Variants in SMAD4 observed in about 807,000 individuals in gnomAD.
SMAD4 encodes SMAD family member 4.
Under a neutral mutation model 63.2 loss-of-function variants are expected in SMAD4, and 7 were observed. That is an observed-to-expected ratio of 0.11 (90% confidence interval 0.06 to 0.21). The LOEUF (loss-of-function observed/expected upper bound fraction) is 0.21. Among genes scored for constraint, SMAD4 ranks in the 10% least tolerant of loss-of-function variants. The pLI, the probability that SMAD4 is intolerant of heterozygous loss-of-function variation, is 1.00. For missense variants in SMAD4, 312 were observed against 693.8 expected (o/e 0.45, Z 6.18); for synonymous variants, 215 against 235.4 (o/e 0.91, Z 0.79).
intron 5 of SMAD4, among the ~76,000 whole-genome samples, chr18:51,055,994 C>A (rs1909835666): frequency 6.6e-6 from 1 of 152,172 alleles, no homozygotes; most frequent in Admixed American, 6.5e-5. Context: ...ATTCATTACA[C>A]CACTTCAAAG....
At chr18:51,032,532 C>T (rs1296565934) in intron 1 of SMAD4, among the ~76,000 whole-genome samples, 1 of 152,208 alleles carries the variant, frequency 6.6e-6, no homozygotes, top group African/African-American at 2.4e-5. Flanking sequence ...CTCTGCTTCA[C>T]TTTCTTAAGC....
chr18:51,041,781 A>C (rs1443847413), intron 1 of SMAD4, among the ~76,000 whole-genome samples: 1 of 152,204 alleles, frequency 6.6e-6, no homozygotes, highest in Non-Finnish European at 1.5e-5. Flanking sequence ...CAGTGCCCCC[A>C]GTTGATCTGT....
At chr18:51,077,506 G>C (rs1910499820) in intron 11 of SMAD4, 1 of 329,080 alleles carries the variant, frequency 3.0e-6, no homozygotes, top group Admixed American at 6.4e-5. Context: ...TAGTTTCATT[G>C]TAATATTGAT....
chr18:51,054,588 T>C, intron 4 of SMAD4, 193 bp from the exon 5 acceptor site: 3 of 577,202 alleles, frequency 5.2e-6, no homozygotes, highest in Admixed American at 3.0e-5. Flanking sequence ...TATCTCATGC[T>C]GTTACCGCTG....
intron 10 of SMAD4, among the ~76,000 whole-genome samples, chr18:51,068,470 GT>G (rs1442064834): frequency 1.3e-5 from 2 of 151,976 alleles, no homozygotes; most frequent in African/African-American, 4.8e-5. Context: ...CATAATCGCG[GT>G]GCTATTTATT....
chr18:51,065,677 T>C (rs1312705122), intron 9 of SMAD4, 71 bp downstream of exon 9: 1 of 1,209,428 alleles, frequency 8.3e-7, no homozygotes, highest in Non-Finnish European at 1.2e-6. Flanking sequence ...TTCAAGGTTA[T>C]GTTTTCCCAT....
chr18:51,067,378 A>G (rs1392543010), intron 10 of SMAD4, among the ~76,000 whole-genome samples, 191 bp downstream of exon 10: 1 of 151,890 alleles, frequency 6.6e-6, no homozygotes, highest in African/African-American at 2.4e-5. Context: ...ATCGTTGCCA[A>G]TTTGTTACAT....
intron 1 of SMAD4, among the ~76,000 whole-genome samples, 175 bp from the exon 2 acceptor site, chr18:51,046,745 T>C (rs973083339): frequency 8.5e-5 from 13 of 152,140 alleles, no homozygotes; most frequent in Non-Finnish European, 8.8e-5. Context: ...AAAAATTATT[T>C]TTAATGGCTA....
intron 8 of SMAD4, among the ~76,000 whole-genome samples, chr18:51,064,295 C>T (rs1053813200): frequency 3.6e-4 from 55 of 152,184 alleles, no homozygotes; most frequent in African/African-American, 1.2e-3. Context: ...ATTCAGGTCC[C>T]ATCTTTTCAG....
intron 10 of SMAD4, among the ~76,000 whole-genome samples, chr18:51,070,088 A>G (rs1361656917): frequency 6.6e-6 from 1 of 152,228 alleles, no homozygotes; most frequent in Non-Finnish European, 1.5e-5. Flanking sequence ...CACTTAACCC[A>G]TCTTGACTCA....
chr18:51,082,590 A>G lies in SMAD4; in HGVS notation c.*4123A>G, dbSNP rs1599208807. 8.7e-6 allele frequency: 2 copies of G among 229,572 alleles called. No individual in the cohort carries two copies. Among genetic ancestry groups the G allele is most frequent in the East Asian group, 1.2e-4 (2 of 16,082 alleles). 14.2% of individuals were successfully genotyped at this position (229,572 alleles called of 1,614,324 possible). ...AGCCTTTTTTTGGTGGAGTTATTTA[A>G]TATGTATATCAGAGGATATACTAGA... On this transcript the variant is annotated 3_prime_UTR_variant, in exon 12 of 12. Coordinates refer to ENST00000342988, the MANE Select transcript of SMAD4 (RefSeq NM_005359.6).
At chr18:51,036,096 C>T (rs1393089722) in intron 1 of SMAD4, among the ~76,000 whole-genome samples, 1 of 152,038 alleles carries the variant, frequency 6.6e-6, no homozygotes, top group Non-Finnish European at 1.5e-5. Context: ...GCCTCAGCCT[C>T]CAGAGTAGCT....
Position 51,058,176 on chromosome 18 carries a change from T to G in SMAD4, c.719T>G (p.Ile240Arg), listed in dbSNP as rs2144427085. The change falls in exon 6 of 12, where the codon ATA (isoleucine) becomes AGA (arginine). Residue 240 changes from isoleucine to arginine, a missense_variant. Transcript: ENST00000342988. ...AGCCATAGTGAAGGACTGTTGCAGA[T>G]AGCATCAGGGCCTCAGCCAGGACAG... ...GGSHSEGLLQ[I>R]ASGPQPGQQQ... 1 of 1,614,122 alleles carries G rather than the reference T, an allele frequency of 6.2e-7. No individual in the cohort carries two copies. Among genetic ancestry groups the G allele is most frequent in the Non-Finnish European group, 8.5e-7 (1 of 1,179,922 alleles).
chr18:51,062,427 T>A (rs1910037899), intron 8 of SMAD4, among the ~76,000 whole-genome samples: 2 of 152,154 alleles, frequency 1.3e-5, no homozygotes, highest in African/African-American at 2.4e-5. Context: ...CCTCTTTCCT[T>A]CTCCCCAGAG....
rs181201259 is a variant in SMAD4 at position 51,080,802 on chromosome 18, A to G, written c.*2335A>G. ...GTGATCCATCCACCTTGGCCTCCCAAAGTGCTGGGATTACGGGCGTGAGCC... is the reference window on the plus strand; with the variant it reads ...GTGATCCATCCACCTTGGCCTCCCAGAGTGCTGGGATTACGGGCGTGAGCC... On this transcript the variant is annotated 3_prime_UTR_variant, in exon 12 of 12. Coordinates refer to ENST00000342988, the MANE Select transcript of SMAD4 (RefSeq NM_005359.6). 54 of 174,904 alleles carry G rather than the reference A, an allele frequency of 3.1e-4. No individual in the cohort carries two copies. The highest frequency in any genetic ancestry group is 2.4e-3 in the Middle Eastern group (1 of 424). The allele number at this position is 174,904 out of a possible 1,614,324, so 10.8% of individuals were successfully genotyped here.
Position 51,084,006 on chromosome 18 carries a change from GCGCGCGCA to G in SMAD4, c.*5541_*5548del, listed in dbSNP as rs1568213114. The G allele has an allele frequency of 3.0e-3, 612 of 201,644 alleles. 1 individual carries two copies. Among genetic ancestry groups the G allele is most frequent in the Middle Eastern group, 0.01 (7 of 698 alleles). The allele number at this position is 201,644 out of a possible 1,614,324, so 12.5% of individuals were successfully genotyped here. ...AAACACTTAACGCGCGTGCGCACGC[GCGCGCGCA>G]CACACACACACACACACACACACAC... is the stretch of plus-strand genomic sequence containing the variant. On this transcript the variant is annotated 3_prime_UTR_variant, in exon 12 of 12. Transcript: ENST00000342988.
intron 1 of SMAD4, among the ~76,000 whole-genome samples, chr18:51,039,011 G>A (rs1018001581): frequency 1.3e-5 from 2 of 152,096 alleles, no homozygotes; most frequent in African/African-American, 4.8e-5. Context: ...GGAGGCTGAG[G>A]CACGAGAATC....
chr18:51,055,046 T>G, intron 5 of SMAD4, 53 bp downstream of exon 5: 1 of 1,319,344 alleles, frequency 7.6e-7, no homozygotes, highest in South Asian at 1.2e-5. Flanking sequence ...TAATCATTGC[T>G]TATTTATGTG....
intron 1 of SMAD4, among the ~76,000 whole-genome samples, chr18:51,032,278 T>G (rs1028669402): frequency 3.3e-5 from 5 of 152,230 alleles, no homozygotes; most frequent in African/African-American, 9.6e-5. Flanking sequence ...CATCTTCGTT[T>G]TTTTTATTTT....
Sources: gnomAD v4.1 joint callset for allele counts (sites outside exome capture counted in the v4.1 genomes callset) on GRCh38, gnomAD v4.1.1 for gene constraint, MANE v1.5 for transcripts, NCBI Gene and HGNC (gene_info 2026-07-23, HGNC 2026-07-21) for gene names.